MKLN1: variants seen among roughly 807,000 people sequenced by gnomAD.
MKLN1 encodes muskelin.
A neutral mutation model predicts 99.0 loss-of-function variants in MKLN1; 18 were observed. The ratio of observed to expected loss-of-function variants is 0.18; its 90% CI spans 0.13 to 0.27. The LOEUF is 0.27. Among genes scored for constraint, MKLN1 ranks in the 10% least tolerant of loss-of-function variants. MKLN1 has a pLI of 1.00. For missense variants in MKLN1, 621 were observed against 875.9 expected (o/e 0.71, Z 3.67); for synonymous variants, 288 against 293.2 (o/e 0.98, Z 0.18).
chr7:131,232,426 G>A (rs1185380559), intron 3 of MKLN1, among the ~76,000 whole-genome samples: 1 of 152,142 alleles, frequency 6.6e-6, no homozygotes, highest in Non-Finnish European at 1.5e-5. Context: ...ATTGGTTTAG[G>A]TGAGGGGGTT....
At chr7:131,350,252 G>T (rs1799680165) in intron 1 of MKLN1, among the ~76,000 whole-genome samples, 1 of 149,534 alleles carries the variant, frequency 6.7e-6, no homozygotes, top group African/African-American at 2.5e-5. Context: ...GTAGAGTTGG[G>T]GTCTCGCTAT....
chr7:131,331,049 AT>A (rs1319944015), intron 1 of MKLN1, among the ~76,000 whole-genome samples: 3 of 152,192 alleles, frequency 2.0e-5, no homozygotes, highest in African/African-American at 7.2e-5. Context: ...TAAACTGCTA[AT>A]CCCTGTACTC....
chr7:131,311,152 A>G (rs1055955732), intron 3 of MKLN1: 2 of 152,278 alleles, frequency 1.3e-5, no homozygotes, highest in South Asian at 2.1e-4. Flanking sequence ...ACTTAGTCCA[A>G]TGATATGATC....
intron 1 of MKLN1, among the ~76,000 whole-genome samples, chr7:131,339,638 G>A (rs1239759220): frequency 1.3e-5 from 2 of 151,730 alleles, no homozygotes; most frequent in East Asian, 3.9e-4. Flanking sequence ...GGTGGAGGTT[G>A]CAGCGAGCTG....
At chr7:131,415,251 T>A (rs759050991) in intron 8 of MKLN1, among the ~76,000 whole-genome samples, 2 of 152,040 alleles carry the variant, frequency 1.3e-5, no homozygotes, top group African/African-American at 4.8e-5. Context: ...GGTCTCAGAT[T>A]AGCAGCTTAA....
intron 2 of MKLN1, among the ~76,000 whole-genome samples, chr7:131,147,790 T>C (rs1015071714): frequency 1.3e-5 from 2 of 152,192 alleles, no homozygotes; most frequent in Non-Finnish European, 1.5e-5. Flanking sequence ...ACTGACACAC[T>C]TGGACTCTGA....
At chr7:131,486,606 C>T (rs1797284595) in intron 17 of MKLN1, among the ~76,000 whole-genome samples, 1 of 152,118 alleles carries the variant, frequency 6.6e-6, no homozygotes. Context: ...AAGTCACTTT[C>T]ACTGAACACC....
intron 8 of MKLN1, among the ~76,000 whole-genome samples, chr7:131,414,985 AAG>A (rs1794974791): frequency 6.6e-6 from 1 of 152,164 alleles, no homozygotes; most frequent in Non-Finnish European, 1.5e-5. Flanking sequence ...TACTGGAATA[AAG>A]AGAACTAAGA....
intron 2 of MKLN1, among the ~76,000 whole-genome samples, chr7:131,169,820 T>C (rs547053002): frequency 9.8e-5 from 15 of 152,310 alleles, no homozygotes; most frequent in African/African-American, 2.9e-4. Context: ...TTCACTGTAA[T>C]GGGGATGAAG....
At chr7:131,236,956 T>G (rs149038929) in intron 3 of MKLN1, among the ~76,000 whole-genome samples, 2 of 152,188 alleles carry the variant, frequency 1.3e-5, no homozygotes, top group East Asian at 3.9e-4. Flanking sequence ...ACCATTGCAC[T>G]CTAGCCCGGG....
At chr7:131,477,711 G>T (rs1331421744) in intron 16 of MKLN1, among the ~76,000 whole-genome samples, 4 of 152,080 alleles carry the variant, frequency 2.6e-5, no homozygotes, top group African/African-American at 9.7e-5. Flanking sequence ...ATTAATCAGG[G>T]CTTACAAATG....
At chr7:131,388,165 TCAAAAACAAAAA>T (rs369629713) in intron 3 of MKLN1, among the ~76,000 whole-genome samples, 318 of 152,252 alleles carry the variant, frequency 2.1e-3, no homozygotes, top group African/African-American at 7.0e-3. Context: ...AGACTCTGTC[TCAAAAACAAAAA>T]CAAAAACAAA....
At chr7:131,203,405 G>T (rs1308620299) in intron 3 of MKLN1, among the ~76,000 whole-genome samples, 1 of 152,006 alleles carries the variant, frequency 6.6e-6, no homozygotes, top group Non-Finnish European at 1.5e-5. Context: ...AAGGGAGGAG[G>T]AAAAAAAGAG....
intron 1 of MKLN1, among the ~76,000 whole-genome samples, chr7:131,332,421 A>G (rs1241356016): frequency 6.7e-6 from 1 of 148,384 alleles, no homozygotes; most frequent in African/African-American, 2.4e-5. Context: ...TCAATACCCC[A>G]TGTCTAAGAA....
chr7:131,133,129 T>C (rs1795584375), intron 1 of MKLN1, among the ~76,000 whole-genome samples: 1 of 151,412 alleles, frequency 6.6e-6, no homozygotes, highest in African/African-American at 2.4e-5. Flanking sequence ...TCTTGTGGGG[T>C]AGCAGGCTCA....
intron 3 of MKLN1, among the ~76,000 whole-genome samples, chr7:131,234,192 C>G (rs1190190068): frequency 1.3e-5 from 2 of 151,872 alleles, no homozygotes; most frequent in African/African-American, 4.8e-5. Context: ...GTTGGCCAGG[C>G]TGGTCTTGAA....
intron 3 of MKLN1, among the ~76,000 whole-genome samples, chr7:131,215,352 G>T (rs1049798450): frequency 2.6e-5 from 4 of 152,062 alleles, no homozygotes; most frequent in African/African-American, 9.7e-5. Flanking sequence ...CCAGACAATT[G>T]TTGTTTTTTT....
intron 2 of MKLN1, among the ~76,000 whole-genome samples, chr7:131,163,164 A>T (rs1796079608): frequency 6.6e-6 from 1 of 152,238 alleles, no homozygotes; most frequent in African/African-American, 2.4e-5. Context: ...ATAGTCCAGA[A>T]ATGTAACCCA....
intron 2 of MKLN1, among the ~76,000 whole-genome samples, chr7:131,197,916 C>A (rs1796672912): frequency 6.6e-6 from 1 of 151,938 alleles, no homozygotes; most frequent in Non-Finnish European, 1.5e-5. Context: ...AGGTCTGCAA[C>A]CTCTGCCTCC....
Sources: allele counts gnomAD v4.1 joint callset (sites outside exome capture counted in the v4.1 genomes callset), GRCh38; gene constraint gnomAD v4.1.1; transcripts MANE v1.5; gene names NCBI Gene and HGNC (gene_info 2026-07-23, HGNC 2026-07-21).